PCMT1: variants seen among roughly 807,000 people sequenced by gnomAD.
The protein encoded by PCMT1 is protein-L-isoaspartate (D-aspartate) O-methyltransferase.
PCMT1 carries 9 observed loss-of-function variants against 29.2 expected under a neutral mutation model. The ratio of observed to expected loss-of-function variants is 0.31; its 90% CI spans 0.19 to 0.54. The LOEUF is 0.54. PCMT1 is among the 20% of genes least tolerant of loss of function. The pLI, the probability that PCMT1 is intolerant of heterozygous loss-of-function variation, is 0.95. For synonymous variants in PCMT1, 98 were observed against 97.5 expected (o/e 1.00, Z -0.03); for missense variants, 184 against 282.2 (o/e 0.65, Z 2.49).
intron 7 of PCMT1, among the ~76,000 whole-genome samples, chr6:149,804,154 A>G (rs75672805): frequency 0.013 from 1,965 of 151,768 alleles, 34 homozygotes; most frequent in Middle Eastern, 0.027. Context: ...AATCAGATGT[A>G]GTTATTAACA....
intron 3 of PCMT1, among the ~76,000 whole-genome samples, chr6:149,775,283 A>C (rs1297499694): frequency 6.6e-6 from 1 of 152,208 alleles, no homozygotes; most frequent in Non-Finnish European, 1.5e-5. Context: ...ACATTTATAA[A>C]AATTGAATAG....
chr6:149,786,956 G>A (rs1049395666), intron 3 of PCMT1, among the ~76,000 whole-genome samples: 3 of 135,134 alleles, frequency 2.2e-5, no homozygotes, highest in African/African-American at 9.5e-5. Flanking sequence ...GTAGCTAGCC[G>A]AGATCACGCC....
intron 3 of PCMT1, among the ~76,000 whole-genome samples, chr6:149,785,450 CG>C (rs1193464703): frequency 3.5e-5 from 5 of 142,460 alleles, no homozygotes; most frequent in Admixed American, 3.0e-4. Flanking sequence ...GGGTGTTTCT[CG>C]CAGAGGGGGA....
chr6:149,782,650 C>G lies in PCMT1; in HGVS notation c.193-7304C>G, dbSNP rs986372029. ...CATACGAGCAGATTTGAAGAGGCTCCCAAAGGCCAAATTGGAGAGAATTTG... is the reference window on the plus strand; with the variant it reads ...CATACGAGCAGATTTGAAGAGGCTCGCAAAGGCCAAATTGGAGAGAATTTG... On this transcript the variant is annotated intron_variant, in intron 3 of 7. Transcript: ENST00000464889. Among the ~76,000 whole-genome samples the G allele has an allele frequency of 7.9e-5, 12 of 151,598 alleles. No homozygotes were observed. The East Asian group carries it at 2.1e-3, about 27-fold the overall frequency.
intron 3 of PCMT1, among the ~76,000 whole-genome samples, chr6:149,778,078 C>T (rs1405619269): frequency 1.3e-5 from 2 of 151,554 alleles, no homozygotes; most frequent in African/African-American, 4.8e-5. Context: ...GGTTTCGTCA[C>T]GTTGGCCAGG....
chr6:149,761,070 A>G (rs1786719350), intron 1 of PCMT1, among the ~76,000 whole-genome samples: 1 of 148,616 alleles, frequency 6.7e-6, no homozygotes, highest in African/African-American at 2.5e-5. Context: ...CACATATATA[A>G]AACTGATATA....
At chr6:149,757,491 CAA>C (rs1011186850) in intron 1 of PCMT1, among the ~76,000 whole-genome samples, 3 of 152,048 alleles carry the variant, frequency 2.0e-5, no homozygotes, top group African/African-American at 4.8e-5. Context: ...ATGAAGATAA[CAA>C]GAGGATCAGC....
chr6:149,766,979 G>C (rs190356793), intron 1 of PCMT1, among the ~76,000 whole-genome samples: 4 of 152,240 alleles, frequency 2.6e-5, no homozygotes, highest in African/African-American at 9.6e-5. Context: ...GGGAGGCTGA[G>C]GTGGGTGGAT....
chr6:149,769,308 C>CTTTTT lies in PCMT1; in HGVS notation c.56-1834_56-1830dup, dbSNP rs372773939. On this transcript the variant is annotated intron_variant, in intron 1 of 7. Coordinates refer to ENST00000464889, the MANE Select transcript of PCMT1 (RefSeq NM_001360452.2). ...AGTTAGCACCTATTTGTGCAGGATT[C>CTTTTT]TTTTTTTTTTTTTTTTTTTTTTTTG... Among the ~76,000 whole-genome samples, 550 of 71,498 alleles carry CTTTTT rather than the reference C, an allele frequency of 7.7e-3. 160 individuals carry two copies. The highest frequency in any genetic ancestry group is 0.045 in the African/African-American group (520 of 11,650). The allele number at this position is 71,498 out of a possible 152,430, so 46.9% of individuals were successfully genotyped here. A position where few individuals can be genotyped will look rare whatever the true frequency, so the allele number is the denominator to read the frequency against.
Position 149,771,180 on chromosome 6 carries a change from CAGAT to C in PCMT1, c.76_79del (p.Asp26LysfsTer5). 1 of 1,608,670 alleles carries C rather than the reference CAGAT, an allele frequency of 6.2e-7. No homozygotes were observed. The highest frequency in any genetic ancestry group is 8.5e-7 in the Non-Finnish European group (1 of 1,175,600). On this transcript the variant is annotated frameshift_variant, in exon 2 of 8. Transcript: ENST00000464889. LOFTEE classifies it high-confidence loss of function. ...GTTTCAGAAAATGGAATCATCAAGA[CAGAT>C]AAAGTATTTGAAGTGATGCTGGCTA...
rs1023892849 is a variant in PCMT1 at position 149,810,576 on chromosome 6, G to A, written c.*38-40G>A. The A allele has an allele frequency of 1.3e-5, 20 of 1,517,942 alleles. No homozygotes were observed. In the East Asian group the frequency reaches 4.7e-4, roughly 35 times the overall value. 94.0% of individuals were successfully genotyped at this position (1,517,942 alleles called of 1,614,324 possible). On this transcript the variant is annotated intron_variant, in intron 7 of 7. Transcript: ENST00000464889. ...ATTATAAAGCCAAATTGGGTAGTGT[G>A]TAACTCCTACTAATGTATTTCTCTC...
chr6:149,810,499 T>C (rs1776131845), intron 7 of PCMT1, 117 bp from the exon 8 acceptor site: 3 of 695,538 alleles, frequency 4.3e-6, no homozygotes, highest in African/African-American at 1.8e-5. Context: ...TTTTTAAATA[T>C]ATTGCTTGGT....
rs541503257 is a variant in PCMT1 at position 149,810,609 on chromosome 6, C to G, written c.*38-7C>G. 5 of 1,546,580 alleles carry G rather than the reference C, an allele frequency of 3.2e-6. No individual in the cohort carries two copies. The highest frequency in any genetic ancestry group is 2.4e-5 in the South Asian group (2 of 83,838). On this transcript the variant is annotated splice_polypyrimidine_tract_variant and splice_region_variant and intron_variant, in intron 7 of 7. Transcript: ENST00000464889. ...TACTAATGTATTTCTCTCTTTTTTCCTCACAGGGATGAATTGTAAAAGCAA... is the reference window on the plus strand; with the variant it reads ...TACTAATGTATTTCTCTCTTTTTTCGTCACAGGGATGAATTGTAAAAGCAA...
chr6:149,771,811 C>A (rs1218537461), intron 2 of PCMT1, among the ~76,000 whole-genome samples: 1 of 152,170 alleles, frequency 6.6e-6, no homozygotes, highest in African/African-American at 2.4e-5. Context: ...AGCCACCACA[C>A]CCTGCCGTAA....
intron 1 of PCMT1, chr6:149,750,246 G>C (rs958310838): frequency 8.9e-6 from 4 of 451,414 alleles, no homozygotes; most frequent in African/African-American, 8.0e-5. Flanking sequence ...TGCAGTACAG[G>C]TGATGCTGCT....
intron 1 of PCMT1, among the ~76,000 whole-genome samples, chr6:149,759,295 G>C (rs545063175): frequency 9.9e-5 from 15 of 152,190 alleles, no homozygotes; most frequent in Non-Finnish European, 1.8e-4. Context: ...AGAAAAAGGT[G>C]AAAGTTTTGT....
intron 1 of PCMT1, among the ~76,000 whole-genome samples, chr6:149,751,357 AAC>A (rs769661550): frequency 2.3e-4 from 35 of 152,096 alleles, no homozygotes; most frequent in Admixed American, 3.9e-4. Context: ...CTAAGAATTT[AAC>A]AGTCATCCCT....
At chr6:149,768,472 G>A (rs1787182142) in intron 1 of PCMT1, among the ~76,000 whole-genome samples, 1 of 97,082 alleles carries the variant, frequency 1.0e-5, no homozygotes, top group African/African-American at 4.2e-5. Flanking sequence ...TTTTTTTTGA[G>A]ATGGAGTCTC....
At chr6:149,769,305 A>ATTTTTTTTTTTTT (rs1234622188) in intron 1 of PCMT1, among the ~76,000 whole-genome samples, 6 of 48,114 alleles carry the variant, frequency 1.2e-4, no homozygotes, top group East Asian at 1.2e-3. Context: ...TTTGTGCAGG[A>ATTTTTTTTTTTTT]TTCTTTTTTT....
Sources: allele counts gnomAD v4.1 joint callset (sites outside exome capture counted in the v4.1 genomes callset), GRCh38; gene constraint gnomAD v4.1.1; transcripts MANE v1.5; gene names NCBI Gene and HGNC (gene_info 2026-07-23, HGNC 2026-07-21).